Variants in BRINP2 observed in about 807,000 individuals in gnomAD.
BRINP2 encodes the protein BMP/retinoic acid-inducible neural-specific protein 2.
A neutral mutation model predicts 69.2 loss-of-function variants in BRINP2; 21 were observed. The observed-to-expected ratio is 0.30, with a 90% confidence interval of 0.22 to 0.44. The LOEUF is 0.44. Ranked by LOEUF, BRINP2 falls within the 20% of genes least tolerant of loss-of-function variation. BRINP2 has a pLI of 1.00. For missense variants in BRINP2, 877 were observed against 986.0 expected (o/e 0.89, Z 1.48); for synonymous variants, 380 against 394.1 (o/e 0.96, Z 0.42).
chr1:177,263,393 G>T (rs1651020488), intron 4 of BRINP2, among the ~76,000 whole-genome samples: 1 of 152,152 alleles, frequency 6.6e-6, no homozygotes, highest in Admixed American at 6.5e-5. Context: ...CAGTGGTTCT[G>T]GCTTCAAAGG....
chr1:177,231,743 A>T (rs1394869284), intron 2 of BRINP2, among the ~76,000 whole-genome samples: 2 of 152,204 alleles, frequency 1.3e-5, no homozygotes, highest in African/African-American at 4.8e-5. Context: ...GGCCCTTGCC[A>T]TCTTCCAAGG....
intron 2 of BRINP2, among the ~76,000 whole-genome samples, chr1:177,243,895 G>T (rs1228015309): frequency 1.4e-5 from 2 of 144,570 alleles, no homozygotes; most frequent in Non-Finnish European, 3.0e-5. Context: ...TTCATGAGAG[G>T]TTTGAAGGAC....
chr1:177,172,859 C>A (rs577487587), intron 1 of BRINP2, among the ~76,000 whole-genome samples: 1 of 152,268 alleles, frequency 6.6e-6, no homozygotes, highest in Non-Finnish European at 1.5e-5. Flanking sequence ...CCTTATTCAG[C>A]AGGGACATTG....
intron 5 of BRINP2, among the ~76,000 whole-genome samples, chr1:177,274,826 A>C (rs1651442811): frequency 6.6e-6 from 1 of 152,194 alleles, no homozygotes; most frequent in South Asian, 2.1e-4. Flanking sequence ...CAGTAGGCAC[A>C]GTGCCAAGGA....
At position 177,256,075 on chromosome 1, in the gene BRINP2, C is replaced by T; in HGVS notation, c.426C>T (p.Tyr142=). The T allele has an allele frequency of 1.2e-6, 2 of 1,614,114 alleles. No homozygotes were observed. Among genetic ancestry groups the T allele is most frequent in the African/African-American group, 1.3e-5 (1 of 75,034 alleles). ...QQVTENLIKK[Y]GTHFLLSATL... Reference sequence around the variant, plus strand: ...TTACAGAAAATCTGATTAAAAAGTACGGCACTCATTTCTTACTTTCTGCCA... The same window carrying T: ...TTACAGAAAATCTGATTAAAAAGTATGGCACTCATTTCTTACTTTCTGCCA... Residue 142 remains tyrosine (Y), a synonymous_variant, in exon 3 of 8, where the codon TAC becomes TAT. Coordinates refer to ENST00000361539, the MANE Select transcript of BRINP2 (RefSeq NM_021165.4).
intron 1 of BRINP2, among the ~76,000 whole-genome samples, chr1:177,188,172 A>G (rs1183281783): frequency 1.3e-5 from 2 of 152,260 alleles, no homozygotes; most frequent in Non-Finnish European, 2.9e-5. Context: ...ACTTCTTTAC[A>G]GCAGGTACTG....
intron 1 of BRINP2, among the ~76,000 whole-genome samples, chr1:177,223,107 C>G (rs1253645815): frequency 6.6e-6 from 1 of 152,154 alleles, no homozygotes; most frequent in South Asian, 2.1e-4. Flanking sequence ...GCACATTCGG[C>G]CCCTGGCTTT....
chr1:177,190,402 T>A (rs750321442), intron 1 of BRINP2, among the ~76,000 whole-genome samples: 2 of 152,208 alleles, frequency 1.3e-5, no homozygotes, highest in Non-Finnish European at 2.9e-5. Flanking sequence ...CTCTTCCACA[T>A]ATATTTCAAG....
intron 1 of BRINP2, among the ~76,000 whole-genome samples, chr1:177,219,665 G>A (rs1232531958): frequency 6.6e-6 from 1 of 152,208 alleles, no homozygotes; most frequent in East Asian, 1.9e-4. Context: ...GGTCCAAATA[G>A]GGCAGAGCTT....
At chr1:177,187,537 G>A (rs758151898) in intron 1 of BRINP2, among the ~76,000 whole-genome samples, 10 of 152,172 alleles carry the variant, frequency 6.6e-5, no homozygotes, top group Non-Finnish European at 1.2e-4. Flanking sequence ...GGCATGGAGT[G>A]AGGATGGAGC....
In BRINP2 at chr1:177,280,552, C is replaced by A. The variant is rs530185539; in HGVS notation, c.1376C>A (p.Ala459Asp). The A allele has an allele frequency of 4.5e-5, 72 of 1,614,216 alleles. No homozygotes were observed. In the Admixed American group the frequency reaches 1.2e-3, roughly 26 times the overall value. ...TCCTGCCAGGGCCCCATCCCATGTG[C>A]CTTGGGCGAAGGGCCCGCGTGTGCC... ...QSSCQGPIPC[A>D]LGEGPACAHC... is the part of the protein sequence containing the mutation. The change falls in exon 8 of 8, where the codon GCC becomes GAC. Residue 459 changes from alanine (A) to aspartate (D), a missense_variant. Around this residue, in one of 3 missense-constraint regions of BRINP2, gnomAD observed 566 missense variants for 625.2 expected, o/e 0.91. Transcript: ENST00000361539.
intron 4 of BRINP2, among the ~76,000 whole-genome samples, chr1:177,258,415 C>T (rs1325145018): frequency 6.6e-6 from 1 of 152,126 alleles, no homozygotes; most frequent in Non-Finnish European, 1.5e-5. Flanking sequence ...GTTTGGGGTC[C>T]TGAGAATACA....
intron 1 of BRINP2, among the ~76,000 whole-genome samples, chr1:177,182,684 T>C (rs947310478): frequency 1.3e-5 from 2 of 152,200 alleles, no homozygotes; most frequent in Non-Finnish European, 2.9e-5. Context: ...TGTGACGACA[T>C]GGTCATTGAG....
In BRINP2 at chr1:177,280,664, CG is replaced by C; in HGVS notation, c.1489del (p.Glu497SerfsTer18). ...AQGLCRPEVA[E>X]SLENFLGLET... Reference sequence around the variant, plus strand: ...AGGGGCTGTGCCGGCCAGAGGTGGCCGAGTCCCTGGAAAACTTTCTTGGGCT... The same window carrying C: ...AGGGGCTGTGCCGGCCAGAGGTGGCCAGTCCCTGGAAAACTTTCTTGGGCT... On this transcript the variant is annotated frameshift_variant, in exon 8 of 8. Coordinates refer to ENST00000361539, the MANE Select transcript of BRINP2 (RefSeq NM_021165.4). LOFTEE classifies it high-confidence loss of function. 6.2e-7 allele frequency: 1 copy of C among 1,614,186 alleles called. No homozygotes were observed. The highest frequency in any genetic ancestry group is 1.1e-5 in the South Asian group (1 of 91,066).
intron 1 of BRINP2, among the ~76,000 whole-genome samples, chr1:177,222,057 G>T (rs1315149008): frequency 5.3e-5 from 8 of 152,312 alleles, no homozygotes; most frequent in African/African-American, 1.9e-4. Flanking sequence ...ATGGGGGACT[G>T]GTGAGGTTAT....
intron 1 of BRINP2, among the ~76,000 whole-genome samples, chr1:177,186,767 GGCGTATCCCACTGGGAACTTT>G (rs1282685301): frequency 6.6e-6 from 1 of 152,122 alleles, no homozygotes; most frequent in Non-Finnish European, 1.5e-5. Context: ...GCTAGTTGTA[GGCGTATCCCACTGGGAACTTT>G]GCATCTTGTT....
chr1:177,250,687 C>G (rs1394324625), intron 2 of BRINP2, among the ~76,000 whole-genome samples: 2 of 152,218 alleles, frequency 1.3e-5, no homozygotes, highest in Non-Finnish European at 2.9e-5. Context: ...TAGTCCCTAT[C>G]CTTATAATCC....
At chr1:177,215,726 C>A (rs1482928455) in intron 1 of BRINP2, among the ~76,000 whole-genome samples, 1 of 151,976 alleles carries the variant, frequency 6.6e-6, no homozygotes. Context: ...ATTCCAAAAC[C>A]ATGATGAATA....
chr1:177,276,267 G>T lies in BRINP2; in HGVS notation c.845G>T (p.Cys282Phe). 6.2e-7 allele frequency: 1 copy of T among 1,614,200 alleles called. No individual in the cohort carries two copies. Among genetic ancestry groups the T allele is most frequent in the African/African-American group, 1.3e-5 (1 of 75,060 alleles). The part of the protein sequence containing the change: ...FVAAALSYIT[C>F]SSEGELVCKE... ...GCTGCAGCACTCAGCTACATCACAT[G>T]CAGCTCTGAGGGTGAGCTCGTCTGC... The change falls in exon 6 of 8, where the codon TGC becomes TTC. Residue 282 changes from cysteine (C) to phenylalanine (F), a missense_variant. Cys to Phe is a radical substitution (Grantham distance 205, BLOSUM62 -2). Coordinates refer to ENST00000361539, the MANE Select transcript of BRINP2 (RefSeq NM_021165.4).
Sources: allele counts gnomAD v4.1 joint callset (sites outside exome capture counted in the v4.1 genomes callset), GRCh38; gene constraint gnomAD v4.1.1; regional missense constraint gnomAD v4.1.1; transcripts MANE v1.5; gene names NCBI Gene and HGNC (gene_info 2026-07-23, HGNC 2026-07-21).